Variants in BCO2 observed in about 807,000 individuals in gnomAD.
BCO2 encodes the protein carotenoid-cleaving dioxygenase, mitochondrial.
BCO2 carries 56 observed loss-of-function variants against 65.8 expected under a neutral mutation model. The ratio of observed to expected loss-of-function variants is 0.85; its 90% confidence interval spans 0.69 to 1.06. The LOEUF is 1.06. Ranked by LOEUF, BCO2 falls within the 50% of genes least tolerant of loss-of-function variation. BCO2 has a pLI of 0.00. For synonymous variants in BCO2, 233 were observed against 242.3 expected (o/e 0.96, Z 0.36); for missense variants, 675 against 698.5 (o/e 0.97, Z 0.38).
At chr11:112,189,525 C>T (rs1332274684) in intron 2 of BCO2, among the ~76,000 whole-genome samples, 2 of 151,784 alleles carry the variant, frequency 1.3e-5, no homozygotes, top group African/African-American at 4.8e-5. Flanking sequence ...CCTGTGTCAG[C>T]CTCCCAAGTA....
intron 5 of BCO2, among the ~76,000 whole-genome samples, chr11:112,195,923 T>C (rs1867561025): frequency 6.6e-6 from 1 of 152,176 alleles, no homozygotes; most frequent in African/African-American, 2.4e-5. Context: ...TGGGTGATCT[T>C]GGTGCAAGTG....
intron 2 of BCO2, among the ~76,000 whole-genome samples, chr11:112,189,131 C>G (rs1474916257): frequency 6.6e-6 from 1 of 152,090 alleles, no homozygotes. Context: ...CTTTGAAGGC[C>G]TTTATGCAAA....
chr11:112,180,965 T>C lies in BCO2; in HGVS notation c.293+1483T>C, dbSNP rs940608879. ...CAGGGATGATGATGTTTTGTTTGTTTGTGAAGGAGAGCCATTTATTGATCC... is the reference window on the plus strand; with the variant it reads ...CAGGGATGATGATGTTTTGTTTGTTCGTGAAGGAGAGCCATTTATTGATCC... On this transcript the variant is annotated intron_variant, in intron 2 of 11. Transcript: ENST00000357685. 2.5e-6 allele frequency: 3 copies of C among 1,197,906 alleles called. No homozygotes were observed. The African/African-American group carries it at 4.5e-5, about 18-fold the overall frequency. 74.2% of individuals were successfully genotyped at this position (1,197,906 alleles called of 1,614,324 possible).
chr11:112,192,947 A>T (rs1867438313), intron 2 of BCO2, among the ~76,000 whole-genome samples: 3 of 3,952 alleles, frequency 7.6e-4, no homozygotes, highest in Admixed American at 4.8e-3. Flanking sequence ...TTTTTTTGAC[A>T]GGGGTAAGGG....
At chr11:112,180,877 C>T (rs974373230) in intron 2 of BCO2, 9 of 1,084,968 alleles carry the variant, frequency 8.3e-6, no homozygotes, top group South Asian at 7.5e-5. Flanking sequence ...GCAGTAAACT[C>T]GGCATAAAAG....
At chr11:112,204,464 C>T (rs575542606) in intron 8 of BCO2, among the ~76,000 whole-genome samples, 75 of 152,210 alleles carry the variant, frequency 4.9e-4, no homozygotes, top group African/African-American at 1.7e-3. Flanking sequence ...ACAGTTGACC[C>T]TGAACAACAT....
chr11:112,197,373 C>A (rs189509891), intron 5 of BCO2, among the ~76,000 whole-genome samples: 24 of 152,064 alleles, frequency 1.6e-4, no homozygotes, highest in African/African-American at 5.3e-4. Context: ...TATAGCAAGA[C>A]CTCATCTCTA....
chr11:112,211,441 A>T (rs544231731), intron 8 of BCO2, among the ~76,000 whole-genome samples: 5 of 152,248 alleles, frequency 3.3e-5, no homozygotes, highest in Middle Eastern at 3.4e-3. Context: ...ATTGGCATAC[A>T]AATATCCAAA....
rs1161715964 is a variant in BCO2 at position 112,211,268 on chromosome 11, G to T, written c.1195-2456G>T. 2.0e-5 allele frequency among the ~76,000 whole-genome samples: 3 copies of T among 151,254 alleles called. No individual in the cohort carries two copies. In the East Asian group the frequency reaches 5.8e-4, roughly 29 times the overall value. ...GTTTTCAAAGTTCATCTATGTTGTA[G>T]CATGTATCAGAATTGCATTCCCTTT... On this transcript the variant is annotated intron_variant, in intron 8 of 11. Transcript: ENST00000357685.
At chr11:112,206,890 A>T (rs1859359496) in intron 8 of BCO2, among the ~76,000 whole-genome samples, 1 of 152,332 alleles carries the variant, frequency 6.6e-6, no homozygotes, top group South Asian at 2.1e-4. Flanking sequence ...TTCTCTCAGT[A>T]AAGTTATAGT....
At chr11:112,205,965 TAA>T (rs1204366805) in intron 8 of BCO2, among the ~76,000 whole-genome samples, 12 of 152,074 alleles carry the variant, frequency 7.9e-5, no homozygotes, top group South Asian at 2.1e-4. Flanking sequence ...ATTAATTAAT[TAA>T]TTAATTTATT....
chr11:112,214,857 A>T lies in BCO2; in HGVS notation c.1428A>T (p.Lys476Asn). 1 of 1,614,168 alleles carries T rather than the reference A, an allele frequency of 6.2e-7. No individual in the cohort carries two copies. Among genetic ancestry groups the T allele is most frequent in the Non-Finnish European group, 8.5e-7 (1 of 1,180,008 alleles). ...TCTACTATGATCGATTCAGTGGCAA[A>T]AAGTATCATTTCTTTTATGGCTGTG... is the stretch of plus-strand genomic sequence containing the variant. ...PQIYYDRFSG[K>N]KYHFFYGCGF... The change falls in exon 10 of 12, where the codon AAA becomes AAT. Residue 476 changes from lysine to asparagine, a missense_variant. Transcript: ENST00000357685.
At chr11:112,195,705 A>T (rs1336582583) in intron 5 of BCO2, among the ~76,000 whole-genome samples, 2 of 152,154 alleles carry the variant, frequency 1.3e-5, no homozygotes, top group African/African-American at 2.4e-5. Flanking sequence ...CGGTCTCCCA[A>T]AGTGCTGGGA....
intron 2 of BCO2, among the ~76,000 whole-genome samples, chr11:112,190,748 C>G (rs1035668436): frequency 6.6e-6 from 1 of 150,400 alleles, no homozygotes; most frequent in Admixed American, 6.7e-5. Flanking sequence ...CCCAGCTACT[C>G]AGGAGGCTGA....
chr11:112,181,507 G>A, intron 2 of BCO2: 1 of 726,368 alleles, frequency 1.4e-6, no homozygotes, highest in Non-Finnish European at 2.6e-6. Context: ...CCGAAGTCCT[G>A]AGTACTTTGA....
chr11:112,211,319 T>TACACACACACACAC (rs71060232), intron 8 of BCO2, among the ~76,000 whole-genome samples: 1 of 128,452 alleles, frequency 7.8e-6, no homozygotes, highest in African/African-American at 3.2e-5. Flanking sequence ...TTCGATTGTA[T>TACACACACACACAC]ACACACACAC....
At chr11:112,212,516 A>G (rs1186085360) in intron 8 of BCO2, among the ~76,000 whole-genome samples, 1 of 152,226 alleles carries the variant, frequency 6.6e-6, no homozygotes, top group Non-Finnish European at 1.5e-5. Context: ...CTCATGACTC[A>G]TGATTACAGT....
chr11:112,181,371 C>G, intron 2 of BCO2: 2 of 526,694 alleles, frequency 3.8e-6, no homozygotes, highest in Non-Finnish European at 6.9e-6. Context: ...TTAGTAGAGA[C>G]GGGGTTTCAC....
chr11:112,178,876 G>C (rs953761815), intron 1 of BCO2, among the ~76,000 whole-genome samples: 12 of 152,298 alleles, frequency 7.9e-5, no homozygotes, highest in African/African-American at 2.6e-4. Flanking sequence ...AATATTGAAT[G>C]GTGGTCATTT....
Sources: allele counts gnomAD v4.1 joint callset (sites outside exome capture counted in the v4.1 genomes callset), GRCh38; gene constraint gnomAD v4.1.1; transcripts MANE v1.5; gene names NCBI Gene and HGNC (gene_info 2026-07-23, HGNC 2026-07-21).